The following GRM8 variants were observed in gnomAD, a reference collection of about 807,000 sequenced individuals.
GRM8 encodes metabotropic glutamate receptor 8.
In GRM8, 47 loss-of-function variants were observed where a neutral mutation model predicts 87.2. The observed-to-expected ratio is 0.54, with a 90% CI of 0.43 to 0.69. The LOEUF (loss-of-function observed/expected upper bound fraction) is 0.69, where lower values mean the gene tolerates loss of function less well. Among genes scored for constraint, GRM8 ranks in the 30% least tolerant of loss-of-function variants. The pLI is 0.00. For synonymous variants in GRM8, 396 were observed against 404.5 expected (o/e 0.98, Z 0.25); for missense variants, 1,019 against 1,139.2 (o/e 0.89, Z 1.52).
chr7:127,067,073 G>A (rs1821184844), intron 3 of GRM8, among the ~76,000 whole-genome samples: 1 of 152,110 alleles, frequency 6.6e-6, no homozygotes, highest in Non-Finnish European at 1.5e-5. Flanking sequence ...ATGTGATAAA[G>A]GCCCAAATGC....
intron 6 of GRM8, among the ~76,000 whole-genome samples, chr7:126,809,227 T>C (rs145045784): frequency 5.9e-5 from 9 of 152,284 alleles, no homozygotes; most frequent in African/African-American, 1.9e-4. Context: ...ACCTGGATAA[T>C]GTAAAAGTCA....
chr7:127,081,267 T>C (rs1230917603), intron 3 of GRM8, among the ~76,000 whole-genome samples: 3 of 152,150 alleles, frequency 2.0e-5, no homozygotes, highest in Non-Finnish European at 4.4e-5. Flanking sequence ...CAGCTTGCCA[T>C]TGCAAACACA....
chr7:127,067,359 A>C (rs926042280), intron 3 of GRM8, among the ~76,000 whole-genome samples: 2 of 152,214 alleles, frequency 1.3e-5, no homozygotes, highest in African/African-American at 4.8e-5. Flanking sequence ...CAGGTGCCGT[A>C]TTCTTTTTTT....
intron 7 of GRM8, among the ~76,000 whole-genome samples, chr7:126,635,815 A>C (rs1801796930): frequency 6.6e-6 from 1 of 152,160 alleles, no homozygotes; most frequent in Admixed American, 6.6e-5. Flanking sequence ...TTGTTAAAGG[A>C]CTATAATGTG....
chr7:126,572,436 G>A (rs954017062), intron 8 of GRM8, among the ~76,000 whole-genome samples: 2 of 152,116 alleles, frequency 1.3e-5, no homozygotes, highest in African/African-American at 4.8e-5. Context: ...AACATCCGAT[G>A]GCTGCTCTGC....
At chr7:126,747,081 C>T (rs1013387656) in intron 7 of GRM8, among the ~76,000 whole-genome samples, 1 of 151,446 alleles carries the variant, frequency 6.6e-6, no homozygotes, top group African/African-American at 2.4e-5. Context: ...TCATTGGTGC[C>T]CTCCCAACAC....
intron 3 of GRM8, among the ~76,000 whole-genome samples, chr7:127,081,588 AC>A (rs1354682169): frequency 1.3e-5 from 2 of 152,050 alleles, no homozygotes; most frequent in Non-Finnish European, 2.9e-5. Flanking sequence ...TCATGGGTAA[AC>A]CCCCACACCT....
chr7:126,533,979 C>G, intron 8 of GRM8, 92 bp from the exon 9 acceptor site: 1 of 888,308 alleles, frequency 1.1e-6, no homozygotes, highest in Non-Finnish European at 1.7e-6. Context: ...TCACAGAATG[C>G]TGACAGTACA....
chr7:127,232,582 C>A (rs1225951229), intron 2 of GRM8, among the ~76,000 whole-genome samples: 1 of 152,074 alleles, frequency 6.6e-6, no homozygotes, highest in African/African-American at 2.4e-5. Context: ...ATGACTATAC[C>A]TTTAATGCTA....
rs2150858611 is a variant in GRM8 at position 126,533,425 on chromosome 7, C to T, written c.1957G>A (p.Val653Ile). The T allele has an allele frequency of 6.2e-7, 1 of 1,613,938 alleles. No homozygotes were observed. The highest frequency in any genetic ancestry group is 8.5e-7 in the Non-Finnish European group (1 of 1,179,946). The change falls in exon 9 of 11, where the codon GTC becomes ATC. Residue 653 changes from valine (V) to isoleucine (I), a missense_variant. Coordinates refer to ENST00000339582, the MANE Select transcript of GRM8 (RefSeq NM_000845.3). ...AAACACATGCCAAGTCCTAGGAAGA[C>T]CCGTCGGAAGGAGCATATGATTGTA... is the stretch of plus-strand genomic sequence containing the variant. Reference protein sequence around the residue: ...PDTIICSFRRVFLGLGMCFSY... With the variant: ...PDTIICSFRRIFLGLGMCFSY...
intron 3 of GRM8, among the ~76,000 whole-genome samples, chr7:127,044,021 C>A (rs1478260890): frequency 6.6e-6 from 1 of 152,206 alleles, no homozygotes; most frequent in African/African-American, 2.4e-5. Flanking sequence ...CTAATTTTCT[C>A]AAGTCTTGCT....
intron 7 of GRM8, among the ~76,000 whole-genome samples, chr7:126,643,714 C>A (rs1363968845): frequency 1.3e-5 from 2 of 152,150 alleles, no homozygotes; most frequent in African/African-American, 2.4e-5. Context: ...TGTTTAATAT[C>A]CAGCAGTATC....
chr7:127,009,232 C>A (rs1814633680), intron 3 of GRM8, among the ~76,000 whole-genome samples: 1 of 152,058 alleles, frequency 6.6e-6, no homozygotes, highest in African/African-American at 2.4e-5. Flanking sequence ...CTAGAGTGAT[C>A]TTTATCAACA....
chr7:126,895,890 A>T (rs1432763190), intron 6 of GRM8, among the ~76,000 whole-genome samples: 1 of 151,112 alleles, frequency 6.6e-6, no homozygotes, highest in African/African-American at 2.4e-5. Context: ...TTCACTTTAT[A>T]GTTGGTGATT....
Position 126,477,623 on chromosome 7 carries a change from G to A in GRM8, c.2431-31251C>T, listed in dbSNP as rs920617143. ...AGAAAGAAAGAAAGAAAGAAAGAAA[G>A]AAAGAAAGAAAGAAAAAACGAAAGA... On this transcript the variant is annotated intron_variant, in intron 9 of 10. Coordinates refer to ENST00000339582, the MANE Select transcript of GRM8 (RefSeq NM_000845.3). Among the ~76,000 whole-genome samples the A allele has an allele frequency of 1.7e-4, 21 of 122,616 alleles. 1 individual carries two copies. The highest frequency in any genetic ancestry group is 2.8e-4 in the Non-Finnish European group (16 of 57,794). 80.4% of individuals were successfully genotyped at this position (122,616 alleles called of 152,430 possible).
chr7:127,235,326 T>G (rs1394400130), intron 2 of GRM8, among the ~76,000 whole-genome samples: 1 of 152,240 alleles, frequency 6.6e-6, no homozygotes, highest in Non-Finnish European at 1.5e-5. Flanking sequence ...TCTGAGCATA[T>G]GACCACCATG....
chr7:126,558,065 T>C (rs1793334560), intron 8 of GRM8, among the ~76,000 whole-genome samples: 1 of 152,178 alleles, frequency 6.6e-6, no homozygotes, highest in South Asian at 2.1e-4. Flanking sequence ...TAAGGTACAT[T>C]TCAACAAATT....
chr7:126,641,278 C>T (rs907240575), intron 7 of GRM8, among the ~76,000 whole-genome samples: 2 of 152,094 alleles, frequency 1.3e-5, no homozygotes, highest in African/African-American at 4.8e-5. Context: ...CTGTTCTGAA[C>T]CCAAAACAAA....
At position 127,172,878 on chromosome 7, in the gene GRM8, G is replaced by C. The variant is rs1248347709; in HGVS notation, c.511-66166C>G. On this transcript the variant is annotated intron_variant, in intron 2 of 10. Coordinates refer to ENST00000339582, the MANE Select transcript of GRM8 (RefSeq NM_000845.3). ...ATGCTTTGTACCAACATGCTTTCTG[G>C]AGTTTTCTCAGATTCTTTGACTTTC... is the stretch of plus-strand genomic sequence containing the variant. 2.0e-5 allele frequency among the ~76,000 whole-genome samples: 3 copies of C among 152,218 alleles called. No individual in the cohort carries two copies. In the East Asian group the frequency reaches 5.8e-4, roughly 29 times the overall value.
Sources: allele counts gnomAD v4.1 joint callset (sites outside exome capture counted in the v4.1 genomes callset), GRCh38; gene constraint gnomAD v4.1.1; transcripts MANE v1.5; gene names NCBI Gene and HGNC (gene_info 2026-07-23, HGNC 2026-07-21).